E2F3: variants seen among roughly 807,000 people sequenced by gnomAD.
The protein encoded by E2F3 is transcription factor E2F3.
E2F3 carries 11 observed loss-of-function variants against 44.4 expected under a neutral mutation model. That is an observed-to-expected ratio of 0.25 (90% CI 0.16 to 0.41). The LOEUF (loss-of-function observed/expected upper bound fraction) is 0.41, where lower values mean the gene tolerates loss of function less well. E2F3 is among the 10% of genes least tolerant of loss of function. E2F3 has a pLI of 1.00. For synonymous variants in E2F3, 249 were observed against 253.0 expected, an observed-to-expected ratio of 0.98 and a Z score of 0.15; for missense variants, 487 against 583.6, an observed-to-expected ratio of 0.83 and a Z score of 1.70.
intron 1 of E2F3, among the ~76,000 whole-genome samples, chr6:20,456,537 A>G (rs1012186951): frequency 1.3e-5 from 2 of 152,120 alleles, no homozygotes; most frequent in African/African-American, 4.8e-5. Context: ...GACTGCCTAC[A>G]CGCACTCGCG....
At chr6:20,463,993 C>T (rs527356862) in intron 1 of E2F3, among the ~76,000 whole-genome samples, 9 of 152,260 alleles carry the variant, frequency 5.9e-5, no homozygotes, top group South Asian at 2.1e-4. Context: ...ACAGCATTTA[C>T]TGGTTTATTA....
chr6:20,476,138 G>A (rs569540822), intron 1 of E2F3, among the ~76,000 whole-genome samples: 6 of 152,162 alleles, frequency 3.9e-5, no homozygotes, highest in East Asian at 2.0e-4. Flanking sequence ...TGAGGAGGCC[G>A]AGGAAGGCGG....
chr6:20,414,411 T>A (rs1759775242), intron 1 of E2F3, among the ~76,000 whole-genome samples: 1 of 152,090 alleles, frequency 6.6e-6, no homozygotes, highest in Admixed American at 6.6e-5. Context: ...GGTCACATAG[T>A]CATGTCCTGA....
intron 1 of E2F3, among the ~76,000 whole-genome samples, chr6:20,412,129 C>T (rs113384691): frequency 2.0e-5 from 3 of 152,170 alleles, no homozygotes; most frequent in South Asian, 2.1e-4. Context: ...ACTAAACAGG[C>T]GGTAGGGAGA....
chr6:20,486,921 C>T, intron 5 of E2F3, 118 bp downstream of exon 5: 1 of 633,344 alleles, frequency 1.6e-6, no homozygotes, highest in Non-Finnish European at 2.7e-6. Context: ...TGGTTCTTTC[C>T]CATTTATTTT....
At chr6:20,411,825 A>G (rs1407350190) in intron 1 of E2F3, among the ~76,000 whole-genome samples, 2 of 152,054 alleles carry the variant, frequency 1.3e-5, no homozygotes, top group Non-Finnish European at 2.9e-5. Flanking sequence ...GTAACACCTC[A>G]TGGTCTGCCT....
At chr6:20,409,661 T>A (rs1759604255) in intron 1 of E2F3, among the ~76,000 whole-genome samples, 1 of 152,248 alleles carries the variant, frequency 6.6e-6, no homozygotes, top group Non-Finnish European at 1.5e-5. Flanking sequence ...AAGTGGCTAA[T>A]CAGTTAACTC....
chr6:20,459,957 G>A (rs1428316358), intron 1 of E2F3, among the ~76,000 whole-genome samples: 17 of 152,188 alleles, frequency 1.1e-4, no homozygotes, highest in Admixed American at 1.0e-3. Context: ...AAACTTGTGA[G>A]TTACCTACCT....
At chr6:20,428,352 T>A (rs1252988329) in intron 1 of E2F3, among the ~76,000 whole-genome samples, 1 of 152,126 alleles carries the variant, frequency 6.6e-6, no homozygotes, top group Non-Finnish European at 1.5e-5. Context: ...GCCTCCCAAG[T>A]AGTGGGATTA....
At chr6:20,454,354 A>G (rs1034558115) in intron 1 of E2F3, among the ~76,000 whole-genome samples, 1 of 152,242 alleles carries the variant, frequency 6.6e-6, no homozygotes, top group Non-Finnish European at 1.5e-5. Context: ...TAATTTCATA[A>G]TGGCAGTTTA....
Position 20,401,884 on chromosome 6 carries a change from T to G in E2F3, c.-349T>G. The G allele has an allele frequency of 2.8e-6, 1 of 358,320 alleles. No homozygotes were observed. Among genetic ancestry groups the G allele is most frequent in the Non-Finnish European group, 5.0e-6 (1 of 201,296 alleles). The allele number at this position is 358,320 out of a possible 1,614,324, so 22.2% of individuals were successfully genotyped here. On this transcript the variant is annotated 5_prime_UTR_variant, in exon 1 of 7. Transcript: ENST00000346618. Reference sequence around the variant, plus strand: ...CGCGTAAACCGTATCCCTTCATTCATTGTCAGCAGCAGCTTCCTGGAGCCA... The same window carrying G: ...CGCGTAAACCGTATCCCTTCATTCAGTGTCAGCAGCAGCTTCCTGGAGCCA...
Position 20,463,205 on chromosome 6 carries a change from G to A in E2F3, c.394-16641G>A, listed in dbSNP as rs115934650. Among the ~76,000 whole-genome samples, 484 of 152,140 alleles carry A rather than the reference G, an allele frequency of 3.2e-3. 3 individuals carry two copies. Among genetic ancestry groups the A allele is most frequent in the African/African-American group, 0.01 (435 of 41,510 alleles). On this transcript the variant is annotated intron_variant, in intron 1 of 6. Coordinates refer to ENST00000346618, the MANE Select transcript of E2F3 (RefSeq NM_001949.5). ...AAAATTCTGGGATTACAAGGCATGA[G>A]CCCCACTGCACCAGGCCAAATCTCT...
chr6:20,456,669 T>C (rs933730940), intron 1 of E2F3, among the ~76,000 whole-genome samples: 3 of 152,240 alleles, frequency 2.0e-5, no homozygotes, highest in Admixed American at 2.0e-4. Context: ...TCATTAACTA[T>C]GTTTAAGAAA....
chr6:20,465,621 C>T (rs1761675997), intron 1 of E2F3, among the ~76,000 whole-genome samples: 1 of 152,180 alleles, frequency 6.6e-6, no homozygotes, highest in Non-Finnish European at 1.5e-5. Flanking sequence ...TCCCCTGCGT[C>T]CCCAAAGTCC....
At chr6:20,481,136 G>T in intron 2 of E2F3, 70 bp from the exon 3 acceptor site, 1 of 1,444,568 alleles carries the variant, frequency 6.9e-7, no homozygotes, top group South Asian at 1.2e-5. Context: ...TTGCTTGACT[G>T]CAAAGACACC....
At chr6:20,415,273 T>C (rs1316598157) in intron 1 of E2F3, among the ~76,000 whole-genome samples, 2 of 152,154 alleles carry the variant, frequency 1.3e-5, no homozygotes, top group Non-Finnish European at 2.9e-5. Context: ...ATGAAGACCA[T>C]AAGGAAATAA....
chr6:20,405,403 A>C (rs1168215989), intron 1 of E2F3, among the ~76,000 whole-genome samples: 1 of 144,336 alleles, frequency 6.9e-6, no homozygotes, highest in Non-Finnish European at 1.5e-5. Context: ...CTGGAGTGCA[A>C]TGGCACGATC....
At chr6:20,461,053 C>A (rs1761489702) in intron 1 of E2F3, among the ~76,000 whole-genome samples, 1 of 148,076 alleles carries the variant, frequency 6.8e-6, no homozygotes, top group African/African-American at 2.5e-5. Context: ...ATTAACACTG[C>A]CAGGTAATCC....
chr6:20,414,661 G>C (rs538194695), intron 1 of E2F3, among the ~76,000 whole-genome samples: 1 of 152,062 alleles, frequency 6.6e-6, no homozygotes, highest in Non-Finnish European at 1.5e-5. Flanking sequence ...TAATTTTGTC[G>C]CTATGTTGGG....
Sources: allele counts gnomAD v4.1 joint callset (sites outside exome capture counted in the v4.1 genomes callset), GRCh38; gene constraint gnomAD v4.1.1; transcripts MANE v1.5; gene names NCBI Gene and HGNC (gene_info 2026-07-23, HGNC 2026-07-21).